NETO1: variants seen among roughly 807,000 people sequenced by gnomAD.
NETO1 encodes neuropilin and tolloid like 1.
NETO1 carries 26 observed loss-of-function variants against 61.3 expected under a neutral mutation model. The observed-to-expected ratio is 0.42, with a 90% CI of 0.31 to 0.59. The LOEUF (loss-of-function observed/expected upper bound fraction) is 0.59. Among genes scored for constraint, NETO1 ranks in the 20% least tolerant of loss-of-function variants. The pLI is 0.12. For missense variants in NETO1, 531 were observed against 662.8 expected (o/e 0.80, Z 2.18); for synonymous variants, 225 against 225.8 (o/e 1.00, Z 0.03).
intron 4 of NETO1, among the ~76,000 whole-genome samples, chr18:72,829,800 G>A (rs1599098701): frequency 6.6e-6 from 1 of 152,124 alleles, no homozygotes; most frequent in Admixed American, 6.6e-5. Context: ...CTGGGTGTGC[G>A]AGACAGAGCT....
chr18:72,841,670 G>A (rs893874889), intron 4 of NETO1, among the ~76,000 whole-genome samples: 2 of 139,166 alleles, frequency 1.4e-5, no homozygotes, highest in Non-Finnish European at 3.0e-5. Context: ...GAAGGCGGAG[G>A]TTGCAGTGAG....
chr18:72,860,861 A>C (rs1338764875), intron 3 of NETO1, among the ~76,000 whole-genome samples: 1 of 152,246 alleles, frequency 6.6e-6, no homozygotes, highest in Non-Finnish European at 1.5e-5. Flanking sequence ...TTTATGTATC[A>C]GTACTAAGTA....
intron 7 of NETO1, among the ~76,000 whole-genome samples, chr18:72,775,592 T>A (rs1007232155): frequency 6.6e-6 from 1 of 152,160 alleles, no homozygotes; most frequent in Non-Finnish European, 1.5e-5. Flanking sequence ...GACAGAAGAA[T>A]CAAAATTCAG....
chr18:72,835,233 G>A (rs774505795), intron 4 of NETO1: 25 of 1,508,168 alleles, frequency 1.7e-5, no homozygotes, highest in Non-Finnish European at 2.0e-5. Flanking sequence ...CAACGTTCTG[G>A]GCACCACAGC....
chr18:72,829,293 T>C (rs1230773885), intron 4 of NETO1, among the ~76,000 whole-genome samples: 1 of 152,160 alleles, frequency 6.6e-6, no homozygotes, highest in Non-Finnish European at 1.5e-5. Context: ...ACACTAAAAA[T>C]GCAAACTTTC....
At chr18:72,809,376 T>C (rs1210439200) in intron 4 of NETO1, among the ~76,000 whole-genome samples, 1 of 152,332 alleles carries the variant, frequency 6.6e-6, no homozygotes, top group Non-Finnish European at 1.5e-5. Context: ...ATGCTGAACC[T>C]GTATGTAACT....
At chr18:72,763,111 A>G (rs1454314396) in intron 7 of NETO1, among the ~76,000 whole-genome samples, 1 of 149,868 alleles carries the variant, frequency 6.7e-6, no homozygotes, top group Non-Finnish European at 1.5e-5. Flanking sequence ...AGAATCCACT[A>G]CGCTTATTCT....
intron 4 of NETO1, among the ~76,000 whole-genome samples, chr18:72,840,651 TA>T (rs1191570363): frequency 3.1e-5 from 4 of 127,526 alleles, no homozygotes; most frequent in East Asian, 2.3e-4. Context: ...TTTTTTTTTT[TA>T]AAAAGAAAGA....
rs181665068 is a variant in NETO1 at position 72,782,759 on chromosome 18, G to A, written c.868+919C>T. Among the ~76,000 whole-genome samples the A allele has an allele frequency of 2.3e-3, 344 of 152,066 alleles. 3 individuals are homozygous for A. Among genetic ancestry groups the A allele is most frequent in the African/African-American group, 7.9e-3 (326 of 41,482 alleles). On this transcript the variant is annotated intron_variant, in intron 7 of 10. Coordinates refer to ENST00000327305, the MANE Select transcript of NETO1 (RefSeq NM_138966.5). ...GCAAAGGTTGCTGTGAGCTGAGATC[G>A]CACCGTCGCACTCCAGCCTGGGCAA...
chr18:72,861,072 C>T (rs1438326000), intron 3 of NETO1, among the ~76,000 whole-genome samples: 1 of 152,214 alleles, frequency 6.6e-6, no homozygotes, highest in African/African-American at 2.4e-5. Flanking sequence ...TTTTAACACG[C>T]ACTCACCAAT....
intron 3 of NETO1, 83 bp from the exon 4 acceptor site, chr18:72,859,157 T>G (rs951449417): frequency 7.6e-7 from 1 of 1,321,868 alleles, no homozygotes; most frequent in African/African-American, 1.5e-5. Context: ...CAGATGTTAT[T>G]TGTACATCTT....
intron 3 of NETO1, among the ~76,000 whole-genome samples, chr18:72,862,612 C>CTTTTTTTTCT (rs1568275640): frequency 2.1e-4 from 22 of 106,942 alleles, no homozygotes; most frequent in African/African-American, 5.4e-4. Flanking sequence ...ACTCATGATC[C>CTTTTTTTTCT]TTTTTTTTTC....
intron 6 of NETO1, among the ~76,000 whole-genome samples, chr18:72,792,277 CA>C (rs1187013312): frequency 2.0e-5 from 3 of 151,940 alleles, no homozygotes; most frequent in Non-Finnish European, 2.9e-5. Context: ...AATAAAAATA[CA>C]AAAAAAGTTA....
At chr18:72,775,634 G>A (rs1412187469) in intron 7 of NETO1, among the ~76,000 whole-genome samples, 3 of 152,172 alleles carry the variant, frequency 2.0e-5, no homozygotes, top group Non-Finnish European at 4.4e-5. Context: ...GCTGACATAT[G>A]AGAATAACTG....
chr18:72,797,607 GC>G (rs1248853149), intron 4 of NETO1, among the ~76,000 whole-genome samples: 2 of 152,144 alleles, frequency 1.3e-5, no homozygotes, highest in African/African-American at 4.8e-5. Context: ...CTGTCCCTCA[GC>G]CTGTTCTCTA....
chr18:72,759,975 G>A (rs1162032022), intron 7 of NETO1, among the ~76,000 whole-genome samples: 1 of 152,172 alleles, frequency 6.6e-6, no homozygotes, highest in Non-Finnish European at 1.5e-5. Context: ...TATCAGAATA[G>A]CAAATAGAGC....
intron 4 of NETO1, among the ~76,000 whole-genome samples, chr18:72,804,424 T>C (rs1434455631): frequency 6.6e-6 from 1 of 152,214 alleles, no homozygotes; most frequent in Non-Finnish European, 1.5e-5. Flanking sequence ...TGGAAACTAC[T>C]GTTAACTGAT....
chr18:72,861,209 T>C (rs2074562064), intron 3 of NETO1, among the ~76,000 whole-genome samples: 1 of 152,256 alleles, frequency 6.6e-6, no homozygotes, highest in Non-Finnish European at 1.5e-5. Context: ...TCCGCCATTA[T>C]GGCTTTTGGT....
chr18:72,771,179 C>T (rs1227038378), intron 7 of NETO1, among the ~76,000 whole-genome samples: 4 of 151,994 alleles, frequency 2.6e-5, no homozygotes, highest in Non-Finnish European at 5.9e-5. Context: ...ATTATGTGAA[C>T]AAAAGGCAGA....
Sources: gnomAD v4.1 joint callset for allele counts (sites outside exome capture counted in the v4.1 genomes callset) on GRCh38, gnomAD v4.1.1 for gene constraint, MANE v1.5 for transcripts, NCBI Gene and HGNC (gene_info 2026-07-23, HGNC 2026-07-21) for gene names.